PRKCA: variants seen among roughly 807,000 people sequenced by gnomAD.
PRKCA encodes the protein protein kinase C alpha type.
Under a neutral mutation model 87.0 loss-of-function variants are expected in PRKCA, and 27 were observed. That is an observed-to-expected ratio of 0.31 (90% CI 0.23 to 0.43). PRKCA has a LOEUF of 0.43. PRKCA is among the 20% of genes least tolerant of loss of function. The pLI, the probability that PRKCA is intolerant of heterozygous loss-of-function variation, is 1.00. For missense variants in PRKCA, 518 were observed against 852.3 expected (o/e 0.61, Z 4.88); for synonymous variants, 329 against 311.1 (o/e 1.06, Z -0.61).
At position 66,687,209 on chromosome 17, in the gene PRKCA, C is replaced by G; in HGVS notation, c.628C>G (p.Gln210Glu). ...LIPDPKNESKQKTKTIRSTLN... is the reference protein window; with the variant it reads ...LIPDPKNESKEKTKTIRSTLN... ...TCCTGATCCCAAGAATGAAAGCAAG[C>G]AAAAAACCAAAACCATCCGCTCCAC... Residue 210 changes from glutamine to glutamate, a missense_variant, in exon 6 of 17, where the codon CAA becomes GAA. Gln to Glu is a conservative substitution (Grantham distance 29). Transcript: ENST00000413366. The G allele has an allele frequency of 6.2e-7, 1 of 1,614,042 alleles. No individual in the cohort carries two copies.
At chr17:66,629,064 G>C (rs1017007133) in intron 3 of PRKCA, among the ~76,000 whole-genome samples, 1 of 152,124 alleles carries the variant, frequency 6.6e-6, no homozygotes, top group Admixed American at 6.6e-5. Flanking sequence ...TTATCTTAAC[G>C]TGGGTAAGAG....
At chr17:66,771,235 C>A (rs1199322804) in intron 13 of PRKCA, among the ~76,000 whole-genome samples, 1 of 152,126 alleles carries the variant, frequency 6.6e-6, no homozygotes, top group Non-Finnish European at 1.5e-5. Context: ...AACCTCCTGA[C>A]CTGAAGTAAT....
intron 3 of PRKCA, among the ~76,000 whole-genome samples, chr17:66,511,028 A>G (rs1567866721): frequency 1.3e-5 from 2 of 152,018 alleles, no homozygotes; most frequent in South Asian, 2.1e-4. Context: ...TTTAAAACAT[A>G]CAGATTATAA....
intron 2 of PRKCA, among the ~76,000 whole-genome samples, chr17:66,351,133 G>A (rs1004975477): frequency 4.6e-5 from 7 of 152,228 alleles, no homozygotes; most frequent in African/African-American, 7.2e-5. Flanking sequence ...GCTGAGCTTG[G>A]TATGTAGTGG....
intron 13 of PRKCA, among the ~76,000 whole-genome samples, chr17:66,763,354 G>A (rs1302012513): frequency 6.6e-6 from 1 of 152,224 alleles, no homozygotes; most frequent in African/African-American, 2.4e-5. Context: ...GGCTCCAGGA[G>A]TTGTGGGTCC....
At chr17:66,585,308 C>T (rs560443689) in intron 3 of PRKCA, among the ~76,000 whole-genome samples, 3 of 152,296 alleles carry the variant, frequency 2.0e-5, no homozygotes, top group Non-Finnish European at 2.9e-5. Context: ...CGCCTGACCC[C>T]CAGGTAGCCA....
At chr17:66,507,441 G>T (rs1268670233) in intron 3 of PRKCA, among the ~76,000 whole-genome samples, 1 of 152,170 alleles carries the variant, frequency 6.6e-6, no homozygotes, top group Non-Finnish European at 1.5e-5. Flanking sequence ...TGTCAGTGAA[G>T]GTTCCATTTT....
chr17:66,398,212 C>T (rs1910799974), intron 2 of PRKCA: 1 of 152,168 alleles, frequency 6.6e-6, no homozygotes, highest in Non-Finnish European at 1.5e-5. Flanking sequence ...CTCAATATCT[C>T]TGAGACCTGG....
intron 8 of PRKCA, among the ~76,000 whole-genome samples, chr17:66,729,209 C>T (rs1435270681): frequency 6.6e-6 from 1 of 152,056 alleles, no homozygotes; most frequent in Non-Finnish European, 1.5e-5. Flanking sequence ...CGAGACCAAC[C>T]TGGCCAACAC....
intron 2 of PRKCA, among the ~76,000 whole-genome samples, chr17:66,478,126 T>G (rs1915614081): frequency 6.6e-6 from 1 of 152,190 alleles, no homozygotes; most frequent in Non-Finnish European, 1.5e-5. Flanking sequence ...TAAAAGGTGT[T>G]GGTAGATAAG....
rs770139126 is a variant in PRKCA, at chr17:66,774,037, C to T, written c.1575C>T (p.Gly525=). ...AATCTGTGGACTGGTGGGCCTATGGCGTCCTGTTGTATGAAATGCTTGCCG... is the reference window on the plus strand; with the variant it reads ...AATCTGTGGACTGGTGGGCCTATGGTGTCCTGTTGTATGAAATGCTTGCCG... ...YGKSVDWWAY[G]VLLYEMLAGQ... is the part of the protein sequence containing the mutation. The change falls in exon 14 of 17, where the codon GGC becomes GGT. Residue 525 remains glycine (G), a synonymous_variant. Coordinates refer to ENST00000413366, the MANE Select transcript of PRKCA (RefSeq NM_002737.3). 14 of 1,613,830 alleles carry T rather than the reference C, an allele frequency of 8.7e-6. No homozygotes were observed. Among genetic ancestry groups the T allele is most frequent in the South Asian group, 3.3e-5 (3 of 91,072 alleles).
chr17:66,589,387 G>T (rs1248914709), intron 3 of PRKCA, among the ~76,000 whole-genome samples: 1 of 152,150 alleles, frequency 6.6e-6, no homozygotes, highest in East Asian at 1.9e-4. Flanking sequence ...TACACAATAC[G>T]TGTCTCAGAA....
chr17:66,369,670 C>G (rs1016307318), intron 2 of PRKCA, among the ~76,000 whole-genome samples: 2 of 152,200 alleles, frequency 1.3e-5, no homozygotes, highest in Non-Finnish European at 2.9e-5. Context: ...CCCGTTTTCA[C>G]TATTGGATCT....
chr17:66,688,245 C>T, intron 6 of PRKCA, 57 bp from the exon 7 acceptor site: 3 of 1,596,486 alleles, frequency 1.9e-6, no homozygotes, highest in Non-Finnish European at 2.6e-6. Flanking sequence ...CATGTGGTAT[C>T]TCCCAAGAAA....
chr17:66,531,489 T>C (rs1967538263), intron 3 of PRKCA, among the ~76,000 whole-genome samples: 1 of 152,184 alleles, frequency 6.6e-6, no homozygotes, highest in Admixed American at 6.5e-5. Context: ...AGGCCCTGCC[T>C]AAAGCTCGAT....
chr17:66,556,682 T>C (rs967030671), intron 3 of PRKCA, among the ~76,000 whole-genome samples: 1 of 152,192 alleles, frequency 6.6e-6, no homozygotes, highest in Non-Finnish European at 1.5e-5. Context: ...TAGTGAGTTC[T>C]CAGAGATCTG....
intron 2 of PRKCA, among the ~76,000 whole-genome samples, chr17:66,387,414 A>G (rs1158991066): frequency 6.6e-6 from 1 of 152,206 alleles, no homozygotes; most frequent in African/African-American, 2.4e-5. Flanking sequence ...TATAAGAGGC[A>G]GCTGAGGGAC....
chr17:66,309,196 A>G (rs1904972363), intron 2 of PRKCA, among the ~76,000 whole-genome samples: 1 of 152,212 alleles, frequency 6.6e-6, no homozygotes. Flanking sequence ...ATATAGCTTT[A>G]GATCCAAAAT....
intron 2 of PRKCA, among the ~76,000 whole-genome samples, chr17:66,375,292 T>C (rs2143557132): frequency 6.6e-6 from 1 of 152,322 alleles, no homozygotes; most frequent in Admixed American, 6.5e-5. Context: ...TGAATATTTA[T>C]TGCCTGTCAC....
Sources: gnomAD v4.1 joint callset for allele counts (sites outside exome capture counted in the v4.1 genomes callset) on GRCh38, gnomAD v4.1.1 for gene constraint, MANE v1.5 for transcripts, NCBI Gene and HGNC (gene_info 2026-07-23, HGNC 2026-07-21) for gene names.